Variants in PLCL1 observed in about 807,000 individuals in gnomAD.
The protein encoded by PLCL1 is inactive phospholipase C-like protein 1.
Under a neutral mutation model 84.4 loss-of-function variants are expected in PLCL1, and 41 were observed. The observed-to-expected ratio is 0.49, with a 90% CI of 0.38 to 0.63. The LOEUF is 0.63. Among genes scored for constraint, PLCL1 ranks in the 30% least tolerant of loss-of-function variants. The pLI, the probability that PLCL1 is intolerant of heterozygous loss-of-function variation, is 0.00. For missense variants in PLCL1, 1,206 were observed against 1,367.8 expected (o/e 0.88, Z 1.87); for synonymous variants, 490 against 488.3 (o/e 1.00, Z -0.05).
At chr2:197,929,125 G>T (rs1688885011) in intron 1 of PLCL1, among the ~76,000 whole-genome samples, 1 of 152,108 alleles carries the variant, frequency 6.6e-6, no homozygotes, top group Admixed American at 6.6e-5. Flanking sequence ...ACAGTTTCCA[G>T]GCCAGTCATT....
At chr2:198,138,991 A>C (rs1694320571) in intron 5 of PLCL1, among the ~76,000 whole-genome samples, 1 of 152,084 alleles carries the variant, frequency 6.6e-6, no homozygotes, top group Admixed American at 6.6e-5. Context: ...CTCCATCTCT[A>C]CTAAAAATAC....
chr2:198,011,233 T>A lies in PLCL1; in HGVS notation c.241-72525T>A, dbSNP rs961998876. The stretch of plus-strand genomic sequence containing the variant: ...TTGATTTTAGATCTTTTTTCTTTTT[T>A]AATGTAGATGTTTACTGCTATGCAC... On this transcript the variant is annotated intron_variant, in intron 1 of 5. Coordinates refer to ENST00000428675, the MANE Select transcript of PLCL1 (RefSeq NM_006226.4). Among the ~76,000 whole-genome samples, 20 of 151,964 alleles carry A rather than the reference T, an allele frequency of 1.3e-4. 1 individual carries two copies. Among genetic ancestry groups the A allele is most frequent in the Admixed American group, 6.6e-5 (1 of 15,256 alleles).
rs80071401 is a variant in PLCL1 at position 198,089,074 on chromosome 2, G to A, written c.2919+13G>A. 6.2e-4 allele frequency: 994 copies of A among 1,602,710 alleles called. 4 individuals carry two copies. The African/African-American group carries it at 0.011, about 18-fold the overall frequency. On this transcript the variant is annotated intron_variant, in intron 3 of 5. Coordinates refer to ENST00000428675, the MANE Select transcript of PLCL1 (RefSeq NM_006226.4). ...TGCTTATGATCTGGTAGGAAATTGC[G>A]ACTCCATATTTTTTTACGTGTGTGT...
chr2:197,818,003 C>G (rs1290703896), intron 1 of PLCL1, among the ~76,000 whole-genome samples: 1 of 151,884 alleles, frequency 6.6e-6, no homozygotes, highest in Non-Finnish European at 1.5e-5. Flanking sequence ...TCTGAAGATT[C>G]CTGAGAAGAA....
chr2:197,998,348 T>C (rs1411245665), intron 1 of PLCL1, among the ~76,000 whole-genome samples: 1 of 152,076 alleles, frequency 6.6e-6, no homozygotes, highest in Non-Finnish European at 1.5e-5. Context: ...CAACTAACAT[T>C]CTTCTTAGAA....
chr2:198,028,404 TG>T (rs2105846450), intron 1 of PLCL1, among the ~76,000 whole-genome samples: 1 of 152,288 alleles, frequency 6.6e-6, no homozygotes, highest in South Asian at 2.1e-4. Flanking sequence ...TGTGGGCTTA[TG>T]GATATATGTA....
intron 4 of PLCL1, among the ~76,000 whole-genome samples, chr2:198,101,888 G>C (rs1232558424): frequency 6.6e-6 from 1 of 151,976 alleles, no homozygotes; most frequent in African/African-American, 2.4e-5. Flanking sequence ...TTCATCTCCT[G>C]GATCCACAAC....
intron 5 of PLCL1, among the ~76,000 whole-genome samples, chr2:198,110,218 G>A (rs1693581933): frequency 6.6e-6 from 1 of 151,870 alleles, no homozygotes; most frequent in South Asian, 2.1e-4. Context: ...ATTCTGGGCT[G>A]CTTTTATAAA....
chr2:197,943,758 T>A (rs2105776838), intron 1 of PLCL1, among the ~76,000 whole-genome samples: 1 of 152,156 alleles, frequency 6.6e-6, no homozygotes, highest in South Asian at 2.1e-4. Flanking sequence ...GAGTTAGTAA[T>A]TGCCTCATTT....
chr2:197,835,431 C>T (rs1691166189), intron 1 of PLCL1, among the ~76,000 whole-genome samples: 1 of 152,276 alleles, frequency 6.6e-6, no homozygotes, highest in South Asian at 2.1e-4. Context: ...TTTTCGTCAT[C>T]CCAAACTGAC....
chr2:197,848,401 GCT>G (rs985555753), intron 1 of PLCL1, among the ~76,000 whole-genome samples: 3 of 152,162 alleles, frequency 2.0e-5, no homozygotes, highest in Admixed American at 6.5e-5. Flanking sequence ...TTAGAAATGG[GCT>G]CTTACACAAC....
At chr2:197,949,000 T>G (rs576738533) in intron 1 of PLCL1, among the ~76,000 whole-genome samples, 1 of 152,292 alleles carries the variant, frequency 6.6e-6, no homozygotes, top group East Asian at 1.9e-4. Flanking sequence ...AGCCCAAGTT[T>G]GGGATCTGCC....
intron 1 of PLCL1, among the ~76,000 whole-genome samples, chr2:198,067,574 T>C (rs968305239): frequency 6.6e-6 from 1 of 150,436 alleles, no homozygotes; most frequent in African/African-American, 2.4e-5. Context: ...CTTCCCGTAG[T>C]GAAGGGTGAG....
At chr2:197,944,027 T>C (rs1689220779) in intron 1 of PLCL1, among the ~76,000 whole-genome samples, 1 of 152,188 alleles carries the variant, frequency 6.6e-6, no homozygotes, top group African/African-American at 2.4e-5. Context: ...CTCTTCTTGG[T>C]TTATTCCTTT....
At chr2:197,863,753 A>G (rs954667923) in intron 1 of PLCL1, among the ~76,000 whole-genome samples, 4 of 152,174 alleles carry the variant, frequency 2.6e-5, no homozygotes, top group Non-Finnish European at 4.4e-5. Flanking sequence ...GGCAGAATCT[A>G]GACAAACCAG....
intron 1 of PLCL1, among the ~76,000 whole-genome samples, chr2:198,033,915 C>CTGTG (rs35514871): frequency 4.0e-5 from 6 of 151,452 alleles, no homozygotes; most frequent in Non-Finnish European, 5.9e-5. Flanking sequence ...CCTCGTGTTT[C>CTGTG]TGTGTGTGTG....
chr2:198,050,238 T>A (rs1691893890), intron 1 of PLCL1, among the ~76,000 whole-genome samples: 1 of 152,104 alleles, frequency 6.6e-6, no homozygotes, highest in Non-Finnish European at 1.5e-5. Context: ...TTCTGTACGT[T>A]TTCATGGCTG....
At chr2:197,952,343 G>A (rs1419118003) in intron 1 of PLCL1, among the ~76,000 whole-genome samples, 1 of 152,092 alleles carries the variant, frequency 6.6e-6, no homozygotes, top group Non-Finnish European at 1.5e-5. Context: ...GTGATAACCT[G>A]CTCTGTGCTG....
chr2:198,007,615 T>C (rs1029882575), intron 1 of PLCL1, among the ~76,000 whole-genome samples: 1 of 152,186 alleles, frequency 6.6e-6, no homozygotes, highest in African/African-American at 2.4e-5. Flanking sequence ...AAGGATGTCA[T>C]TGTATTAGTA....
Sources: gnomAD v4.1 joint callset for allele counts (sites outside exome capture counted in the v4.1 genomes callset) on GRCh38, gnomAD v4.1.1 for gene constraint, MANE v1.5 for transcripts, NCBI Gene and HGNC (gene_info 2026-07-23, HGNC 2026-07-21) for gene names.